PSD3: variants seen among roughly 807,000 people sequenced by gnomAD.
PSD3 encodes the protein PH and SEC7 domain-containing protein 3.
Under a neutral mutation model 105.5 loss-of-function variants are expected in PSD3, and 49 were observed. The observed-to-expected ratio is 0.46, with a 90% CI of 0.37 to 0.59. The LOEUF is 0.59. PSD3 is among the 20% of genes least tolerant of loss of function. The pLI is 0.00. For synonymous variants in PSD3, 557 were observed against 457.8 expected, an observed-to-expected ratio of 1.22 and a Z score of -2.77; for missense variants, 1,561 against 1,263.8, an observed-to-expected ratio of 1.24 and a Z score of -3.57.
rs115920207 is a variant in PSD3 at position 19,048,223 on chromosome 8, C to G, written c.324+35983G>C. 7.3e-3 allele frequency among the ~76,000 whole-genome samples: 1,116 copies of G among 152,212 alleles called. 12 individuals carry two copies. The highest frequency in any genetic ancestry group is 0.025 in the African/African-American group (1,040 of 41,520). ...AGCCTGGTAGGACAATGGAACTAAC[C>G]TCTTTGGCTCTTTAAAGAGAGGTGG... On this transcript the variant is annotated intron_variant, in intron 1 of 1. Transcript: ENST00000521475.
At chr8:18,551,525 T>G (rs1393303041) in intron 15 of PSD3, among the ~76,000 whole-genome samples, 3 of 152,226 alleles carry the variant, frequency 2.0e-5, no homozygotes, top group Non-Finnish European at 4.4e-5. Flanking sequence ...CCTAGATTTT[T>G]AAGAAAATAT....
intron 12 of PSD3, among the ~76,000 whole-genome samples, chr8:18,593,010 C>A (rs930842909): frequency 6.6e-6 from 1 of 152,158 alleles, no homozygotes; most frequent in Admixed American, 6.5e-5. Context: ...GACCTAAAAC[C>A]GTAACAACCC....
chr8:18,804,899 C>G lies in PSD3; in HGVS notation c.1635-1G>C. ...CCGTGTTGTTTTCACCCCAGCATTG[C>G]TATGATAATTGATAAAGAGAGAAAA... On this transcript the variant is annotated splice_acceptor_variant, in intron 4 of 15. Coordinates refer to ENST00000327040, the MANE Select transcript of PSD3 (RefSeq NM_015310.4). LOFTEE classifies it high-confidence loss of function. The G allele has an allele frequency of 6.3e-7, 1 of 1,584,406 alleles. No homozygotes were observed. The highest frequency in any genetic ancestry group is 8.6e-7 in the Non-Finnish European group (1 of 1,164,908).
At chr8:19,016,210 T>A (rs923390285), upstream of PSD3, among the ~76,000 whole-genome samples, 1 of 152,158 alleles carries the variant, frequency 6.6e-6, no homozygotes, top group Non-Finnish European at 1.5e-5. Context: ...AGCACCCGCC[T>A]TGGTAAAAAA....
chr8:18,715,362 C>T (rs1157011324), intron 9 of PSD3, among the ~76,000 whole-genome samples: 1 of 152,150 alleles, frequency 6.6e-6, no homozygotes, highest in African/African-American at 2.4e-5. Context: ...AAGCATTGAC[C>T]TAGATTAAGC....
At chr8:19,060,501 G>A (rs754204512) in intron 1 of PSD3, among the ~76,000 whole-genome samples, 2 of 152,190 alleles carry the variant, frequency 1.3e-5, no homozygotes, top group East Asian at 3.9e-4. Flanking sequence ...AGATGTGATG[G>A]CACACACCTG....
chr8:19,064,934 A>T (rs971964547), intron 1 of PSD3, among the ~76,000 whole-genome samples: 1 of 152,214 alleles, frequency 6.6e-6, no homozygotes, highest in Non-Finnish European at 1.5e-5. Context: ...GAGCTCCTGC[A>T]CTAGGTCCCA....
chr8:18,961,079 G>A (rs1275594633), intron 1 of PSD3, among the ~76,000 whole-genome samples: 1 of 152,048 alleles, frequency 6.6e-6, no homozygotes, highest in Non-Finnish European at 1.5e-5. Flanking sequence ...GTGACAGAGT[G>A]AGACCCTGTC....
chr8:19,044,911 A>G (rs1244572843), intron 1 of PSD3, among the ~76,000 whole-genome samples: 1 of 152,210 alleles, frequency 6.6e-6, no homozygotes, highest in Non-Finnish European at 1.5e-5. Context: ...CAGGCTGGGC[A>G]TGGCGGATCA....
At chr8:18,797,915 T>C (rs1450035948) in intron 8 of PSD3, among the ~76,000 whole-genome samples, 2 of 152,114 alleles carry the variant, frequency 1.3e-5, no homozygotes, top group African/African-American at 4.8e-5. Context: ...GATTCAATGT[T>C]ATATGTGGCC....
chr8:18,875,246 T>C (rs1817653258), intron 2 of PSD3, among the ~76,000 whole-genome samples: 1 of 152,306 alleles, frequency 6.6e-6, no homozygotes, highest in African/African-American at 2.4e-5. Context: ...AATCAAGTGT[T>C]GATGGAATCT....
At chr8:18,748,576 C>T (rs550257913) in intron 9 of PSD3, among the ~76,000 whole-genome samples, 9 of 146,956 alleles carry the variant, frequency 6.1e-5, no homozygotes, top group East Asian at 2.1e-4. Flanking sequence ...AGGAGAATGG[C>T]GTGAACCTGG....
At chr8:19,050,263 C>T (rs942026328) in intron 1 of PSD3, among the ~76,000 whole-genome samples, 1 of 152,066 alleles carries the variant, frequency 6.6e-6, no homozygotes, top group African/African-American at 2.4e-5. Context: ...AAAGAACTAG[C>T]CACAAAAATG....
chr8:18,826,676 A>G (rs1039601970), intron 4 of PSD3, among the ~76,000 whole-genome samples: 15 of 152,216 alleles, frequency 9.9e-5, no homozygotes, highest in Non-Finnish European at 1.9e-4. Context: ...GTCAGCCTCC[A>G]TAAGTTTGGC....
At chr8:18,554,328 C>T (rs1800941628) in intron 15 of PSD3, among the ~76,000 whole-genome samples, 1 of 152,200 alleles carries the variant, frequency 6.6e-6, no homozygotes, top group South Asian at 2.1e-4. Context: ...TCCCATTTCC[C>T]AAGAATGAAC....
chr8:18,653,945 C>A (rs1207518408), intron 10 of PSD3, among the ~76,000 whole-genome samples: 1 of 152,040 alleles, frequency 6.6e-6, no homozygotes, highest in East Asian at 1.9e-4. Flanking sequence ...GTCCTTTTTG[C>A]ATTTCAGCAA....
intron 12 of PSD3, among the ~76,000 whole-genome samples, chr8:18,575,638 TG>T: frequency 6.6e-6 from 1 of 152,282 alleles, no homozygotes; most frequent in South Asian, 2.1e-4. Context: ...GGACCAATAG[TG>T]TGATTTGGTT....
At chr8:18,863,417 A>C (rs1161448154) in intron 4 of PSD3, among the ~76,000 whole-genome samples, 1 of 152,118 alleles carries the variant, frequency 6.6e-6, no homozygotes, top group Non-Finnish European at 1.5e-5. Flanking sequence ...GGTCAGCCTG[A>C]GGGCCATGTA....
intron 15 of PSD3, among the ~76,000 whole-genome samples, chr8:18,539,653 T>C (rs1024185061): frequency 3.3e-5 from 5 of 150,580 alleles, no homozygotes; most frequent in Admixed American, 1.3e-4. Flanking sequence ...GTTCAAGCAA[T>C]TCCCCTGCCT....
Sources: gnomAD v4.1 joint callset for allele counts (sites outside exome capture counted in the v4.1 genomes callset) on GRCh38, gnomAD v4.1.1 for gene constraint, MANE v1.5 for transcripts, NCBI Gene and HGNC (gene_info 2026-07-23, HGNC 2026-07-21) for gene names.